The following LARP4B variants were observed in gnomAD, a reference collection of about 807,000 sequenced individuals.
LARP4B encodes the protein La ribonucleoprotein 4B.
LARP4B carries 12 observed loss-of-function variants against 89.8 expected under a neutral mutation model. That is an observed-to-expected ratio of 0.13 (90% confidence interval 0.09 to 0.22). The LOEUF is 0.22. Ranked by LOEUF, LARP4B falls within the 10% of genes least tolerant of loss-of-function variation. LARP4B has a pLI of 1.00. For synonymous variants in LARP4B, 367 were observed against 363.3 expected (o/e 1.01, Z -0.12); for missense variants, 757 against 947.7 (o/e 0.80, Z 2.64).
chr10:919,528 G>C (rs777756332), intron 1 of LARP4B, among the ~76,000 whole-genome samples: 4 of 152,200 alleles, frequency 2.6e-5, no homozygotes, highest in Non-Finnish European at 4.4e-5. Flanking sequence ...TCAATCCTCT[G>C]AATTACAAGT....
chr10:927,542 A>G (rs773565283), intron 1 of LARP4B, among the ~76,000 whole-genome samples: 16 of 152,246 alleles, frequency 1.1e-4, no homozygotes, highest in African/African-American at 1.7e-4. Flanking sequence ...ATCAACCAGC[A>G]TAAGAGCAAA....
Position 811,413 on chromosome 10 carries a change from A to G in LARP4B, c.*1513T>C, listed in dbSNP as rs1012730567. ...ATTTGCATTTACAGGATTTTCCAAC[A>G]TTCTGAAAAAAGATCAACTGTTGAA... is the stretch of plus-strand genomic sequence containing the variant. On this transcript the variant is annotated 3_prime_UTR_variant, in exon 18 of 18. Transcript: ENST00000316157. 3.3e-5 allele frequency: 5 copies of G among 152,656 alleles called. No individual in the cohort carries two copies. Among genetic ancestry groups the G allele is most frequent in the African/African-American group, 1.2e-4 (5 of 41,460 alleles). 9.5% of individuals were successfully genotyped at this position (152,656 alleles called of 1,614,324 possible).
intron 3 of LARP4B, among the ~76,000 whole-genome samples, chr10:879,206 A>C (rs1302696302): frequency 6.6e-6 from 1 of 152,246 alleles, no homozygotes; most frequent in African/African-American, 2.4e-5. Flanking sequence ...AAATGTTACA[A>C]TACTATGTCA....
At chr10:821,709 C>G (rs911125575) in intron 13 of LARP4B, among the ~76,000 whole-genome samples, 1 of 152,246 alleles carries the variant, frequency 6.6e-6, no homozygotes, top group Non-Finnish European at 1.5e-5. Context: ...AAACCAAAAA[C>G]TAGTCTTGCC....
chr10:909,877 A>G (rs1036415433), intron 1 of LARP4B, among the ~76,000 whole-genome samples: 1 of 152,124 alleles, frequency 6.6e-6, no homozygotes, highest in Non-Finnish European at 1.5e-5. Flanking sequence ...ACATAGCAGT[A>G]CCATCTCCAT....
At chr10:948,581 A>G in the LARP4B span, among the ~76,000 whole-genome samples, 1 of 152,208 alleles carries the variant, frequency 6.6e-6, no homozygotes, top group South Asian at 2.1e-4. Flanking sequence ...GGGGGACAAT[A>G]TCAGGATCCT....
At chr10:847,989 C>A (rs990558317) in intron 5 of LARP4B, among the ~76,000 whole-genome samples, 1 of 152,190 alleles carries the variant, frequency 6.6e-6, no homozygotes, top group Non-Finnish European at 1.5e-5. Context: ...TTGCATAGGC[C>A]AGACAGCAGG....
chr10:863,901 C>T lies in LARP4B; in HGVS notation c.290-18G>A. 1 of 1,602,362 alleles carries T rather than the reference C, an allele frequency of 6.2e-7. No homozygotes were observed. The highest frequency in any genetic ancestry group is 8.5e-7 in the Non-Finnish European group (1 of 1,176,684). ...ATCCGATCCTACAATTAGGAGTTTA[C>T]CCCAAAAAGGCAGGGTTAGAAGCAT... On this transcript the variant is annotated intron_variant, in intron 4 of 17. Transcript: ENST00000316157.
chr10:879,978 T>G (rs189263736), intron 3 of LARP4B, among the ~76,000 whole-genome samples: 1 of 152,066 alleles, frequency 6.6e-6, no homozygotes, highest in African/African-American at 2.4e-5. Flanking sequence ...TTCATCATAT[T>G]GGTCAGGCTG....
chr10:924,138 G>A (rs1268701480), intron 1 of LARP4B, among the ~76,000 whole-genome samples: 1 of 152,044 alleles, frequency 6.6e-6, no homozygotes, highest in African/African-American at 2.4e-5. Context: ...CAGCTACTCG[G>A]GAGGCTAAGG....
At chr10:908,866 G>A (rs1260129708) in intron 1 of LARP4B, among the ~76,000 whole-genome samples, 3 of 152,172 alleles carry the variant, frequency 2.0e-5, no homozygotes, top group South Asian at 4.1e-4. Context: ...AGCACGGGGG[G>A]GGCCTCCCTT....
chr10:965,721 G>A, the LARP4B span, among the ~76,000 whole-genome samples: 1 of 151,320 alleles, frequency 6.6e-6, no homozygotes, highest in East Asian at 1.9e-4. Flanking sequence ...AAGACCCGGC[G>A]CTGTGAAGAA....
chr10:817,725 C>A lies in LARP4B; in HGVS notation c.1695G>T (p.Arg565Ser), dbSNP rs201148474. The change falls in exon 15 of 18, where the codon AGG (arginine) becomes AGT (serine). Residue 565 changes from arginine to serine, a missense_variant and splice_region_variant. Arg to Ser is a moderately radical substitution (Grantham distance 110, BLOSUM62 -1). Transcript: ENST00000316157. The part of the protein sequence containing the change: ...SSLIIGPSKE[R>S]TLSADASVNT... ...ATTAGACATGCAATATATCCCTTAC[C>A]CTTTCTTTGGATGGTCCTATTATCA... 1 of 1,613,690 alleles carries A rather than the reference C, an allele frequency of 6.2e-7. No homozygotes were observed. Among genetic ancestry groups the A allele is most frequent in the Admixed American group, 1.7e-5 (1 of 60,006 alleles).
the LARP4B span, among the ~76,000 whole-genome samples, chr10:968,714 G>A: frequency 8.1e-4 from 123 of 152,364 alleles, 7 homozygotes; most frequent in South Asian, 0.025. Flanking sequence ...CTTGGCTGAC[G>A]GAATGAAGTG....
chr10:908,869 C>G (rs923554459), intron 1 of LARP4B, among the ~76,000 whole-genome samples: 3 of 152,128 alleles, frequency 2.0e-5, no homozygotes, highest in African/African-American at 7.2e-5. Context: ...ACGGGGGGGG[C>G]CTCCCTTGCC....
intron 5 of LARP4B, among the ~76,000 whole-genome samples, chr10:846,795 A>C (rs1833800264): frequency 6.6e-6 from 1 of 152,106 alleles, no homozygotes; most frequent in Admixed American, 6.5e-5. Flanking sequence ...CCGAAGCCAC[A>C]AGGGAAGGAA....
At chr10:904,820 C>A (rs35825568) in intron 1 of LARP4B, among the ~76,000 whole-genome samples, 2 of 151,956 alleles carry the variant, frequency 1.3e-5, no homozygotes, top group Non-Finnish European at 2.9e-5. Flanking sequence ...TACTCCCATG[C>A]GAGCAAGGGT....
chr10:901,388 T>G (rs1217251178), intron 1 of LARP4B, among the ~76,000 whole-genome samples: 1 of 152,196 alleles, frequency 6.6e-6, no homozygotes, highest in Non-Finnish European at 1.5e-5. Flanking sequence ...CTGTAATATT[T>G]GAAATGCACA....
intron 3 of LARP4B, among the ~76,000 whole-genome samples, chr10:872,586 T>G (rs564845026): frequency 1.5e-3 from 225 of 152,346 alleles, no homozygotes; most frequent in African/African-American, 5.1e-3. Flanking sequence ...TCATCACCAC[T>G]GCTGAGGTGA....
Sources: gnomAD v4.1 joint callset for allele counts (sites outside exome capture counted in the v4.1 genomes callset) on GRCh38, gnomAD v4.1.1 for gene constraint, MANE v1.5 for transcripts, NCBI Gene and HGNC (gene_info 2026-07-23, HGNC 2026-07-21) for gene names.